The following PCDH15 variants were observed in gnomAD, a reference collection of about 807,000 sequenced individuals.
PCDH15 encodes the protein protocadherin-15.
PCDH15 carries 129 observed loss-of-function variants against 178.5 expected under a neutral mutation model. That is an observed-to-expected ratio of 0.72 (90% confidence interval 0.63 to 0.84). The LOEUF (loss-of-function observed/expected upper bound fraction) is 0.84, where lower values mean the gene tolerates loss of function less well. Among genes scored for constraint, PCDH15 ranks in the 40% least tolerant of loss-of-function variants. PCDH15 has a pLI of 0.00. For missense variants in PCDH15, 2,230 were observed against 2,099.9 expected (o/e 1.06, Z -1.21); for synonymous variants, 800 against 732.0 (o/e 1.09, Z -1.50).
chr10:55,369,937 G>T (rs969801645), intron 2 of PCDH15, among the ~76,000 whole-genome samples: 1 of 151,528 alleles, frequency 6.6e-6, no homozygotes, highest in East Asian at 1.9e-4. Context: ...AAGCAAAATG[G>T]TCAAGTAATG....
At chr10:54,945,319 TG>T (rs1221930657) in intron 2 of PCDH15, among the ~76,000 whole-genome samples, 1 of 131,916 alleles carries the variant, frequency 7.6e-6, no homozygotes, top group Non-Finnish European at 1.7e-5. Flanking sequence ...GATAGATGGA[TG>T]TATGGATAGA....
At chr10:54,416,971 T>C (rs1954512005) in intron 3 of PCDH15, among the ~76,000 whole-genome samples, 1 of 152,152 alleles carries the variant, frequency 6.6e-6, no homozygotes, top group South Asian at 2.1e-4. Context: ...GATGGGGTTG[T>C]TTTTTTCTTG....
chr10:54,424,143 C>T lies in PCDH15; in HGVS notation c.158-45201G>A, dbSNP rs1414078852. ...ACAAAGGGCTAATATCCAGAATCTA[C>T]GAAGAACTCAAACAAATTTACAAGA... On this transcript the variant is annotated intron_variant, in intron 3 of 37. Transcript: ENST00000644397. Among the ~76,000 whole-genome samples, 9 of 151,712 alleles carry T rather than the reference C, an allele frequency of 5.9e-5. No individual in the cohort carries two copies. The East Asian group carries it at 9.7e-4, about 16-fold the overall frequency.
intron 3 of PCDH15, among the ~76,000 whole-genome samples, chr10:54,417,717 T>C (rs1341066537): frequency 6.6e-6 from 1 of 152,194 alleles, no homozygotes; most frequent in Non-Finnish European, 1.5e-5. Flanking sequence ...AGCTTTTTGA[T>C]ATCTTAATTC....
At chr10:55,135,574 C>CTTTTTTTTTTTTTTTTTTTTTTTTT (rs56956557) in intron 2 of PCDH15, among the ~76,000 whole-genome samples, 1 of 68,220 alleles carries the variant, frequency 1.5e-5, no homozygotes, top group African/African-American at 5.6e-5. Flanking sequence ...TCTTTTCTTT[C>CTTTTTTTTTTTTTTTTTTTTTTTTT]TTTTTTTTTT....
intron 2 of PCDH15, among the ~76,000 whole-genome samples, chr10:54,996,482 G>A (rs1839647034): frequency 6.6e-6 from 1 of 152,116 alleles, no homozygotes; most frequent in South Asian, 2.1e-4. Context: ...TTTGGTTATT[G>A]TTTGTGTGTA....
intron 9 of PCDH15, among the ~76,000 whole-genome samples, chr10:54,217,779 T>C (rs1275367858): frequency 1.8e-4 from 27 of 152,142 alleles, no homozygotes; most frequent in Admixed American, 1.8e-3. Flanking sequence ...TTAAGATTTC[T>C]GAGAGAGAGA....
intron 28 of PCDH15, among the ~76,000 whole-genome samples, chr10:53,855,925 T>C (rs185921477): frequency 2.1e-5 from 3 of 145,230 alleles, no homozygotes; most frequent in Admixed American, 7.0e-5. Context: ...TATATATGTA[T>C]GTGTGTGTGT....
intron 3 of PCDH15, among the ~76,000 whole-genome samples, chr10:54,498,219 T>G (rs150050792): frequency 6.6e-6 from 1 of 151,960 alleles, no homozygotes; most frequent in African/African-American, 2.4e-5. Context: ...GCTTCATAAG[T>G]GAAGGATGAA....
chr10:55,442,106 A>G (rs1174162154), intron 2 of PCDH15, among the ~76,000 whole-genome samples: 1 of 152,150 alleles, frequency 6.6e-6, no homozygotes, highest in Non-Finnish European at 1.5e-5. Flanking sequence ...TAACTATTAA[A>G]TTACCAAGTT....
At chr10:53,988,651 G>A (rs1167450975) in intron 21 of PCDH15, among the ~76,000 whole-genome samples, 2 of 151,976 alleles carry the variant, frequency 1.3e-5, no homozygotes, top group Non-Finnish European at 1.5e-5. Context: ...CTTTCAGAGG[G>A]TCTGTTTCCA....
rs556065410 is a variant in PCDH15 at position 55,223,870 on chromosome 10, T to C, written c.-155-57219A>G. Among the ~76,000 whole-genome samples, 41 of 152,188 alleles carry C rather than the reference T, an allele frequency of 2.7e-4. 1 individual carries two copies. Among genetic ancestry groups the C allele is most frequent in the Non-Finnish European group, 5.1e-4 (35 of 68,044 alleles). On this transcript the variant is annotated intron_variant, in intron 1 of 5. Transcript: ENST00000458638. ...ATCCTTGATAAAGTTTCCCCTATAA[T>C]TGAAAATTTTACCTTTCAGTTTACC...
At chr10:55,217,729 GA>G (rs967399963) in intron 1 of PCDH15, among the ~76,000 whole-genome samples, 8 of 149,564 alleles carry the variant, frequency 5.3e-5, no homozygotes, top group South Asian at 2.1e-4. Flanking sequence ...TGACACAAAA[GA>G]AAAAAAAACT....
At chr10:55,135,504 C>T (rs1316941350) in intron 2 of PCDH15, among the ~76,000 whole-genome samples, 1 of 151,612 alleles carries the variant, frequency 6.6e-6, no homozygotes, top group Non-Finnish European at 1.5e-5. Flanking sequence ...ATTTTCAGAC[C>T]TGTTTGGGAG....
At chr10:54,259,407 G>C (rs1283077159) in intron 8 of PCDH15, among the ~76,000 whole-genome samples, 1 of 152,158 alleles carries the variant, frequency 6.6e-6, no homozygotes, top group African/African-American at 2.4e-5. Flanking sequence ...GTCTACGTGA[G>C]AGAATGGTCC....
intron 2 of PCDH15, chr10:55,627,518 G>T (rs1837557064): frequency 6.6e-6 from 1 of 152,174 alleles, no homozygotes; most frequent in Admixed American, 6.6e-5. Context: ...TCTGAAAAGC[G>T]GGGGTGGGGT....
At chr10:54,502,350 T>C (rs997799616) in intron 3 of PCDH15, among the ~76,000 whole-genome samples, 1 of 152,138 alleles carries the variant, frequency 6.6e-6, no homozygotes, top group Admixed American at 6.6e-5. Flanking sequence ...ATTCTATTTA[T>C]ATTTTTCACT....
intron 3 of PCDH15, among the ~76,000 whole-genome samples, chr10:54,386,284 A>T (rs1209957571): frequency 1.3e-5 from 2 of 152,008 alleles, no homozygotes; most frequent in Non-Finnish European, 2.9e-5. Context: ...AAAAATCCCA[A>T]AAAATAATCT....
intron 1 of PCDH15, among the ~76,000 whole-genome samples, chr10:55,303,714 A>G (rs1222236967): frequency 3.3e-5 from 5 of 151,992 alleles, no homozygotes; most frequent in Non-Finnish European, 7.4e-5. Context: ...TTGTAATATT[A>G]TCTTATTATC....
Sources: gnomAD v4.1 joint callset for allele counts (sites outside exome capture counted in the v4.1 genomes callset) on GRCh38, gnomAD v4.1.1 for gene constraint, MANE v1.5 for transcripts, NCBI Gene and HGNC (gene_info 2026-07-23, HGNC 2026-07-21) for gene names.